Variants in NPAS3 observed in about 807,000 individuals in gnomAD.
NPAS3 encodes neuronal PAS domain-containing protein 3.
NPAS3 carries 14 observed loss-of-function variants against 73.1 expected under a neutral mutation model. The ratio of observed to expected loss-of-function variants is 0.19; its 90% CI spans 0.13 to 0.30. The LOEUF (loss-of-function observed/expected upper bound fraction) is 0.30, where lower values mean the gene tolerates loss of function less well. Ranked by LOEUF, NPAS3 falls within the 10% of genes least tolerant of loss-of-function variation. The probability of loss-of-function intolerance (pLI) is 1.00; values close to 1 mark genes in which losing one functional copy is unlikely to be tolerated. For missense variants in NPAS3, 1,096 were observed against 1,250.0 expected (o/e 0.88, Z 1.86); for synonymous variants, 620 against 541.5 (o/e 1.14, Z -2.01).
intron 3 of NPAS3, among the ~76,000 whole-genome samples, chr14:33,250,022 A>G (rs1460956785): frequency 6.6e-6 from 1 of 152,054 alleles, no homozygotes; most frequent in Non-Finnish European, 1.5e-5. Context: ...GCTACAAACA[A>G]GTGGCCACTT....
chr14:32,986,537 C>T (rs1215912057), intron 1 of NPAS3, among the ~76,000 whole-genome samples: 1 of 152,110 alleles, frequency 6.6e-6, no homozygotes, highest in African/African-American at 2.4e-5. Context: ...GTTTTGATTC[C>T]ATTACTATAT....
chr14:33,657,104 A>G lies in NPAS3; in HGVS notation c.559-19107A>G, dbSNP rs191206800. ...AGGACATCGCGCTAAGTGAAATAAC[A>G]GCAGACACAGAAAGACAAATACTTC... On this transcript the variant is annotated intron_variant, in intron 5 of 11. Coordinates refer to ENST00000356141, the Ensembl canonical transcript of NPAS3. Among the ~76,000 whole-genome samples, 182 of 152,318 alleles carry G rather than the reference A, an allele frequency of 1.2e-3. 1 individual carries two copies. Among genetic ancestry groups the G allele is most frequent in the African/African-American group, 4.1e-3 (172 of 41,576 alleles).
At chr14:33,060,543 A>G (rs555136893) in intron 2 of NPAS3, among the ~76,000 whole-genome samples, 1 of 152,370 alleles carries the variant, frequency 6.6e-6, no homozygotes, top group South Asian at 2.1e-4. Flanking sequence ...TGAAAGCAGA[A>G]GAGGCCATTG....
At chr14:33,527,813 C>T (rs2053868715) in intron 4 of NPAS3, among the ~76,000 whole-genome samples, 1 of 152,094 alleles carries the variant, frequency 6.6e-6, no homozygotes. Flanking sequence ...TCCTTTTGAA[C>T]AACGCTGGGT....
rs149166016 is a variant in NPAS3, at chr14:33,069,519, C to T, written c.140+13525C>T. Among the ~76,000 whole-genome samples, 143 of 152,266 alleles carry T rather than the reference C, an allele frequency of 9.4e-4. 1 individual carries two copies. Among genetic ancestry groups the T allele is most frequent in the South Asian group, 7.9e-3 (38 of 4,806 alleles). On this transcript the variant is annotated intron_variant, in intron 2 of 11. Transcript: ENST00000356141. ...GTAAGTGTGCAGGCTATGATGGAGA[C>T]GGATGTATTCAAACCCTAGTTCCAT...
intron 2 of NPAS3, among the ~76,000 whole-genome samples, chr14:33,080,188 A>G (rs770255738): frequency 7.2e-4 from 110 of 151,788 alleles, no homozygotes; most frequent in Admixed American, 6.4e-3. Flanking sequence ...GCTCACTGCA[A>G]TCTCTGCCTC....
At chr14:33,474,479 A>G (rs1003686240) in intron 4 of NPAS3, among the ~76,000 whole-genome samples, 3 of 152,212 alleles carry the variant, frequency 2.0e-5, no homozygotes, top group Non-Finnish European at 4.4e-5. Context: ...AAAAATGTCA[A>G]AAGTCTTTTG....
chr14:33,298,988 A>T (rs751191435), intron 3 of NPAS3, among the ~76,000 whole-genome samples: 17 of 152,160 alleles, frequency 1.1e-4, no homozygotes, highest in Non-Finnish European at 2.1e-4. Context: ...CCACAAATTA[A>T]TACACAATTT....
At chr14:33,781,743 C>T (rs1273519895) in intron 9 of NPAS3, among the ~76,000 whole-genome samples, 2 of 152,074 alleles carry the variant, frequency 1.3e-5, no homozygotes, top group Non-Finnish European at 2.9e-5. Flanking sequence ...TGTCTTATGC[C>T]CCAGTTTGAT....
intron 4 of NPAS3, among the ~76,000 whole-genome samples, chr14:33,458,113 C>A (rs894866622): frequency 4.6e-5 from 7 of 152,128 alleles, no homozygotes; most frequent in Non-Finnish European, 8.8e-5. Flanking sequence ...CCTGGCCTGC[C>A]CGGTTGTCCA....
At chr14:33,610,197 A>T (rs1941047160) in intron 5 of NPAS3, among the ~76,000 whole-genome samples, 1 of 152,174 alleles carries the variant, frequency 6.6e-6, no homozygotes, top group Admixed American at 6.5e-5. Flanking sequence ...TAAAAAGGAA[A>T]AATATATCCT....
chr14:33,240,482 G>A (rs535213922), intron 3 of NPAS3, among the ~76,000 whole-genome samples: 1 of 151,498 alleles, frequency 6.6e-6, no homozygotes, highest in African/African-American at 2.4e-5. Context: ...CCTTCTTTTT[G>A]TGTTGATAGC....
chr14:33,580,797 C>A (rs966735596), intron 5 of NPAS3, among the ~76,000 whole-genome samples: 1 of 151,526 alleles, frequency 6.6e-6, no homozygotes, highest in Non-Finnish European at 1.5e-5. Context: ...CACCCTCCAC[C>A]GCACCCCCCT....
chr14:33,783,894 T>C lies in NPAS3; in HGVS notation c.1153+5322T>C, dbSNP rs978453088. Among the ~76,000 whole-genome samples the C allele has an allele frequency of 3.9e-5, 6 of 152,146 alleles. 1 individual carries two copies. The South Asian group carries it at 8.3e-4, about 21-fold the overall frequency. ...CCATACTAGTCTTTAGACGGCACTATTTTACACGACGTAAACAGTAAATAC... is the reference window on the plus strand; with the variant it reads ...CCATACTAGTCTTTAGACGGCACTACTTTACACGACGTAAACAGTAAATAC... On this transcript the variant is annotated intron_variant, in intron 9 of 11. Transcript: ENST00000356141.
chr14:33,048,546 C>A (rs2138470844), intron 1 of NPAS3, among the ~76,000 whole-genome samples: 1 of 152,330 alleles, frequency 6.6e-6, no homozygotes, highest in Non-Finnish European at 1.5e-5. Flanking sequence ...CCACCAATCC[C>A]CATTTGCCTG....
intron 5 of NPAS3, among the ~76,000 whole-genome samples, chr14:33,608,830 A>G (rs900539919): frequency 6.6e-6 from 1 of 152,208 alleles, no homozygotes; most frequent in Middle Eastern, 3.2e-3. Flanking sequence ...TGATTCTGCT[A>G]CAAATGTTCC....
chr14:32,956,237 T>G (rs2036665162), intron 1 of NPAS3, among the ~76,000 whole-genome samples: 1 of 152,146 alleles, frequency 6.6e-6, no homozygotes, highest in South Asian at 2.1e-4. Flanking sequence ...TAATTTAAGT[T>G]GATTAGGCCA....
intron 4 of NPAS3, among the ~76,000 whole-genome samples, chr14:33,399,350 C>A (rs1370165995): frequency 6.6e-6 from 1 of 151,962 alleles, no homozygotes; most frequent in African/African-American, 2.4e-5. Context: ...ACATGGAGTG[C>A]TTGCCTCTTC....
chr14:33,664,546 GCA>G (rs2059398495), intron 5 of NPAS3, among the ~76,000 whole-genome samples: 1 of 152,186 alleles, frequency 6.6e-6, no homozygotes, highest in South Asian at 2.1e-4. Context: ...AAGAGCTTCT[GCA>G]CAGCAAAAGA....
Sources: gnomAD v4.1 joint callset for allele counts (sites outside exome capture counted in the v4.1 genomes callset) on GRCh38, gnomAD v4.1.1 for gene constraint, MANE v1.5 for transcripts, NCBI Gene and HGNC (gene_info 2026-07-23, HGNC 2026-07-21) for gene names.